Variants in ANK2 observed in about 807,000 individuals in gnomAD.
ANK2 encodes ankyrin-2.
A neutral mutation model predicts 360.5 loss-of-function variants in ANK2; 83 were observed. That is an observed-to-expected ratio of 0.23 (90% CI 0.19 to 0.28). The LOEUF (loss-of-function observed/expected upper bound fraction) is 0.28. Ranked by LOEUF, ANK2 falls within the 10% of genes least tolerant of loss-of-function variation. The pLI, the probability that ANK2 is intolerant of heterozygous loss-of-function variation, is 1.00. For missense variants in ANK2, 4,201 were observed against 4,795.7 expected (o/e 0.88, Z 3.66); for synonymous variants, 1,740 against 1,759.5 (o/e 0.99, Z 0.28).
At chr4:113,104,118 A>G (rs896923075) in intron 1 of ANK2, among the ~76,000 whole-genome samples, 9 of 152,220 alleles carry the variant, frequency 5.9e-5, no homozygotes, top group African/African-American at 1.9e-4. Flanking sequence ...TTCAGTGGTG[A>G]GGTAAGAATA....
chr4:113,054,810 A>G (rs2068798357), intron 1 of ANK2, among the ~76,000 whole-genome samples: 1 of 152,094 alleles, frequency 6.6e-6, no homozygotes, highest in Non-Finnish European at 1.5e-5. Flanking sequence ...ATACCTTATA[A>G]CCTGGTATTC....
At position 113,199,612 on chromosome 4, in the gene ANK2, A is replaced by G. The variant is rs577189577; in HGVS notation, c.384+503A>G. Among the ~76,000 whole-genome samples, 381 of 152,298 alleles carry G rather than the reference A, an allele frequency of 2.5e-3. 3 individuals carry two copies. The highest frequency in any genetic ancestry group is 8.3e-3 in the African/African-American group (346 of 41,576). ...TAAAATGAAATTAAGAAAAAATTAAACAATAATTATTTAATCAAAATTATA... is the reference window on the plus strand; with the variant it reads ...TAAAATGAAATTAAGAAAAAATTAAGCAATAATTATTTAATCAAAATTATA... On this transcript the variant is annotated intron_variant, in intron 4 of 45. Coordinates refer to ENST00000357077, the MANE Select transcript of ANK2 (RefSeq NM_001148.6).
intron 2 of ANK2, among the ~76,000 whole-genome samples, chr4:113,035,410 A>G (rs997467319): frequency 6.6e-6 from 1 of 151,906 alleles, no homozygotes; most frequent in African/African-American, 2.4e-5. Context: ...GAGATGAAAG[A>G]AAAGAAAATA....
intron 2 of ANK2, among the ~76,000 whole-genome samples, chr4:113,007,903 A>C (rs780606787): frequency 2.6e-5 from 4 of 152,168 alleles, no homozygotes; most frequent in African/African-American, 9.7e-5. Context: ...TGCAATATAC[A>C]TAAATTGCAT....
At chr4:113,095,751 A>G (rs1482835444) in intron 1 of ANK2, among the ~76,000 whole-genome samples, 4 of 152,220 alleles carry the variant, frequency 2.6e-5, no homozygotes, top group African/African-American at 9.6e-5. Context: ...AGTTTCTTGT[A>G]TAAATACATT....
At chr4:113,247,387 A>G (rs567647218) in intron 9 of ANK2, among the ~76,000 whole-genome samples, 49 of 152,210 alleles carry the variant, frequency 3.2e-4, no homozygotes, top group Non-Finnish European at 5.4e-4. Flanking sequence ...GTCATCATTC[A>G]CACATCTTAT....
At chr4:113,084,745 A>G (rs1447035174) in intron 1 of ANK2, among the ~76,000 whole-genome samples, 2 of 152,258 alleles carry the variant, frequency 1.3e-5, no homozygotes, top group Non-Finnish European at 2.9e-5. Context: ...TACGTGCAAC[A>G]CATTACCTTG....
At chr4:112,958,326 C>T (rs2154258653) in intron 2 of ANK2, among the ~76,000 whole-genome samples, 1 of 152,348 alleles carries the variant, frequency 6.6e-6, no homozygotes, top group Admixed American at 6.5e-5. Flanking sequence ...GTGAACCAGA[C>T]TCCATCTGCA....
At chr4:112,899,566 A>G (rs1337061660) in intron 1 of ANK2, among the ~76,000 whole-genome samples, 1 of 152,214 alleles carries the variant, frequency 6.6e-6, no homozygotes, top group Admixed American at 6.5e-5. Flanking sequence ...GAACTATTTT[A>G]TGAATAGTAG....
At chr4:112,893,864 G>A (rs910821348) in intron 1 of ANK2, among the ~76,000 whole-genome samples, 2 of 152,160 alleles carry the variant, frequency 1.3e-5, no homozygotes, top group South Asian at 2.1e-4. Context: ...CAGCATGGCG[G>A]CATGCACCTG....
rs2046913376 is a variant in ANK2 at position 112,991,733 on chromosome 4, A to G, written c.21+87219A>G. Among the ~76,000 whole-genome samples the G allele has an allele frequency of 2.7e-5, 4 of 146,528 alleles. No individual in the cohort carries two copies. In the Admixed American group the frequency reaches 2.8e-4, roughly 10 times the overall value. ...ACTGAACTCCTTCCCTTCTCAGTTT[A>G]CCAGAAGCAGTCAGGAAAAATGAAG... On this transcript the variant is annotated intron_variant, in intron 2 of 30. Coordinates refer to the ANK2 transcript ENST00000503271.
chr4:113,056,020 C>T, intron 1 of ANK2, among the ~76,000 whole-genome samples: 1 of 152,150 alleles, frequency 6.6e-6, no homozygotes, highest in East Asian at 1.9e-4. Context: ...TCCCAAGCAG[C>T]ATTCCCAAAA....
chr4:113,352,717 G>A (rs191872171), intron 37 of ANK2, among the ~76,000 whole-genome samples: 8 of 151,132 alleles, frequency 5.3e-5, no homozygotes, highest in East Asian at 1.9e-4. Context: ...ATTTCACTGC[G>A]TTCTTTGTTT....
chr4:113,293,297 A>G lies in ANK2; in HGVS notation c.2377-143A>G. The G allele has an allele frequency of 4.0e-6, 3 of 755,838 alleles. No homozygotes were observed. The highest frequency in any genetic ancestry group is 2.3e-6 in the Non-Finnish European group (1 of 432,958). 46.8% of individuals were successfully genotyped at this position (755,838 alleles called of 1,614,324 possible). A position where few individuals can be genotyped will look rare whatever the true frequency, so the allele number is the denominator to read the frequency against. On this transcript the variant is annotated intron_variant, in intron 21 of 45. Transcript: ENST00000357077. ...AGTTACAAAGACAGATTTAGACGTA[A>G]TGGTAAAAACTAGTGATTTTCCTAA...
the ANK2 span, among the ~76,000 whole-genome samples, chr4:112,781,388 C>A: frequency 6.6e-6 from 1 of 152,158 alleles, no homozygotes; most frequent in East Asian, 1.9e-4. Flanking sequence ...GCATGAGCCA[C>A]CACACCCAGC....
intron 4 of ANK2, among the ~76,000 whole-genome samples, chr4:113,210,738 TA>T (rs1456021333): frequency 4.6e-5 from 7 of 152,168 alleles, no homozygotes; most frequent in Admixed American, 4.6e-4. Flanking sequence ...CCTTAGCATA[TA>T]GGGGCACTCT....
At chr4:112,856,883 G>A (rs552160918) in intron 1 of ANK2, among the ~76,000 whole-genome samples, 40 of 152,230 alleles carry the variant, frequency 2.6e-4, no homozygotes, top group Non-Finnish European at 4.1e-4. Flanking sequence ...AGTTGAAGAC[G>A]TATAGCCAAT....
chr4:112,732,273 A>G, the ANK2 span, among the ~76,000 whole-genome samples: 1 of 147,592 alleles, frequency 6.8e-6, no homozygotes, highest in African/African-American at 2.5e-5. Flanking sequence ...TTCAAGAAAC[A>G]GGGTCTGGCC....
chr4:112,827,483 C>T, intron 1 of ANK2: 7 of 1,340,214 alleles, frequency 5.2e-6, no homozygotes, highest in Non-Finnish European at 7.5e-6. Context: ...TCCAGCCTGA[C>T]AGTCACCAAA....
Sources: gnomAD v4.1 joint callset for allele counts (sites outside exome capture counted in the v4.1 genomes callset) on GRCh38, gnomAD v4.1.1 for gene constraint, MANE v1.5 for transcripts, NCBI Gene and HGNC (gene_info 2026-07-23, HGNC 2026-07-21) for gene names.